Variants in CREB5 observed in about 807,000 individuals in gnomAD.
CREB5 encodes the protein cAMP responsive element binding protein 5, also known as cyclic AMP-responsive element-binding protein 5.
Under a neutral mutation model 57.1 loss-of-function variants are expected in CREB5, and 19 were observed. The observed-to-expected ratio is 0.33, with a 90% CI of 0.23 to 0.49. The LOEUF is 0.49. Among genes scored for constraint, CREB5 ranks in the 20% least tolerant of loss-of-function variants. The probability of loss-of-function intolerance (pLI) is 0.99; values close to 1 mark genes in which losing one functional copy is unlikely to be tolerated. For synonymous variants in CREB5, 238 were observed against 238.3 expected, an observed-to-expected ratio of 1.00 and a Z score of 0.01; for missense variants, 579 against 671.6, an observed-to-expected ratio of 0.86 and a Z score of 1.52.
chr7:28,499,187 A>AG (rs2128601842), intron 3 of CREB5, among the ~76,000 whole-genome samples: 1 of 151,720 alleles, frequency 6.6e-6, no homozygotes, highest in Admixed American at 6.6e-5. Context: ...AAAAAAAAAA[A>AG]AAAAAAAGAC....
chr7:28,389,274 G>C (rs1787167038), intron 1 of CREB5, among the ~76,000 whole-genome samples: 1 of 152,126 alleles, frequency 6.6e-6, no homozygotes, highest in South Asian at 2.1e-4. Context: ...GCAAATCTGA[G>C]ACTAGAGAAA....
intron 5 of CREB5, among the ~76,000 whole-genome samples, chr7:28,626,290 G>GGAAGATT (rs1394576166): frequency 1.3e-5 from 2 of 152,144 alleles, no homozygotes; most frequent in African/African-American, 4.8e-5. Context: ...ATTGAAGTGT[G>GGAAGATT]GAAGAGTTCA....
At chr7:28,817,310 A>G (rs2128809082) in intron 9 of CREB5, among the ~76,000 whole-genome samples, 1 of 152,332 alleles carries the variant, frequency 6.6e-6, no homozygotes, top group South Asian at 2.1e-4. Flanking sequence ...CCTCCTGCTC[A>G]GTGGGCATCA....
intron 4 of CREB5, among the ~76,000 whole-genome samples, chr7:28,534,381 G>A (rs1316009570): frequency 1.3e-5 from 2 of 152,208 alleles, no homozygotes; most frequent in East Asian, 1.9e-4. Flanking sequence ...GCCCTCTCCA[G>A]CTCAGCCCCT....
At chr7:28,331,747 G>A (rs1287918695) in intron 1 of CREB5, among the ~76,000 whole-genome samples, 1 of 151,726 alleles carries the variant, frequency 6.6e-6, no homozygotes, top group Non-Finnish European at 1.5e-5. Context: ...TACCCTGGGG[G>A]CTGAGGCAGG....
At chr7:28,752,367 A>C (rs113253826) in intron 7 of CREB5, among the ~76,000 whole-genome samples, 3,040 of 152,236 alleles carry the variant, frequency 0.02, 102 homozygotes, top group Admixed American at 0.085. Flanking sequence ...GGGTTTCACC[A>C]TGTTGGCCAG....
rs1804057239 is a variant in CREB5 at position 28,737,538 on chromosome 7, C to CAT, written c.702+13206_702+13207insAT. On this transcript the variant is annotated intron_variant, in intron 7 of 10. Coordinates refer to ENST00000357727, the MANE Select transcript of CREB5 (RefSeq NM_182898.4). ...GTGTGTGTATATATGTATATATATACGTATATATATATATATATATATATA... is the reference window on the plus strand; with the variant it reads ...GTGTGTGTATATATGTATATATATACATGTATATATATATATATATATATATA... Among the ~76,000 whole-genome samples the CAT allele has an allele frequency of 1.6e-3, 78 of 47,904 alleles. 1 individual carries two copies. Among genetic ancestry groups the CAT allele is most frequent in the African/African-American group, 2.9e-3 (29 of 9,972 alleles). The allele number at this position is 47,904 out of a possible 152,430, so 31.4% of individuals were successfully genotyped here.
At chr7:28,757,132 G>T (rs148260736) in intron 7 of CREB5, among the ~76,000 whole-genome samples, 1 of 152,224 alleles carries the variant, frequency 6.6e-6, no homozygotes, top group African/African-American at 2.4e-5. Context: ...TGTTCTAAAT[G>T]CTTTGTAAAT....
intron 1 of CREB5, among the ~76,000 whole-genome samples, chr7:28,351,514 T>A (rs749798738): frequency 6.6e-6 from 1 of 152,224 alleles, no homozygotes; most frequent in South Asian, 2.1e-4. Context: ...TTCCTATTCC[T>A]TTCTTCCCAT....
chr7:28,690,796 T>G (rs922027193), intron 5 of CREB5, among the ~76,000 whole-genome samples: 2 of 152,214 alleles, frequency 1.3e-5, no homozygotes, highest in African/African-American at 4.8e-5. Flanking sequence ...TAACTGGGCT[T>G]CTTGTCCCAG....
chr7:28,632,524 A>G (rs762396056), intron 5 of CREB5, among the ~76,000 whole-genome samples: 1 of 152,114 alleles, frequency 6.6e-6, no homozygotes, highest in Non-Finnish European at 1.5e-5. Flanking sequence ...TTTCTTTTCA[A>G]ATGTTTTGTT....
intron 5 of CREB5, among the ~76,000 whole-genome samples, chr7:28,635,264 G>T (rs1483152615): frequency 2.6e-5 from 4 of 152,136 alleles, no homozygotes; most frequent in Admixed American, 1.3e-4. Context: ...TATCCTGCAG[G>T]TGTAATACAC....
At chr7:28,448,965 A>C (rs370081304) in intron 1 of CREB5, among the ~76,000 whole-genome samples, 38 of 152,212 alleles carry the variant, frequency 2.5e-4, no homozygotes, top group African/African-American at 8.7e-4. Context: ...TCACACACCT[A>C]GACTTGATGA....
At chr7:28,454,620 C>G (rs1050829149) in intron 1 of CREB5, among the ~76,000 whole-genome samples, 3 of 152,200 alleles carry the variant, frequency 2.0e-5, no homozygotes, top group Non-Finnish European at 4.4e-5. Context: ...TCTGCCCTCG[C>G]TCCACCCTCA....
At chr7:28,455,404 T>C (rs1025882951) in intron 1 of CREB5, among the ~76,000 whole-genome samples, 5 of 152,192 alleles carry the variant, frequency 3.3e-5, no homozygotes, top group African/African-American at 1.2e-4. Flanking sequence ...AACCAAGCCT[T>C]TAAGTAGAAC....
chr7:28,582,079 T>C (rs1350188364), intron 5 of CREB5, among the ~76,000 whole-genome samples: 1 of 152,208 alleles, frequency 6.6e-6, no homozygotes, highest in African/African-American at 2.4e-5. Context: ...TGGATATTTA[T>C]ATAGAAAAAC....
intron 2 of CREB5, among the ~76,000 whole-genome samples, chr7:28,490,430 G>T (rs565887215): frequency 2.0e-5 from 3 of 152,324 alleles, no homozygotes; most frequent in Non-Finnish European, 4.4e-5. Context: ...TTCAGGGTGA[G>T]TTAGGATTCC....
At position 28,820,957 on chromosome 7, in the gene CREB5, G is replaced by A. The variant is rs1313405215; in HGVS notation, c.*1678G>A. 1 of 152,574 alleles carries A rather than the reference G, an allele frequency of 6.6e-6. No homozygotes were observed. Among genetic ancestry groups the A allele is most frequent in the Non-Finnish European group, 1.5e-5 (1 of 68,042 alleles). 9.5% of individuals were successfully genotyped at this position (152,574 alleles called of 1,614,324 possible). A position where few individuals can be genotyped will look rare whatever the true frequency, so the allele number is the denominator to read the frequency against. ...CAACAACTTTTGTGAACTTGCCCGT[G>A]ATACAAAGCAGATAGTCCCTGAACC... On this transcript the variant is annotated 3_prime_UTR_variant, in exon 11 of 11. Transcript: ENST00000357727.
At chr7:28,585,608 C>A (rs1312969541) in intron 5 of CREB5, among the ~76,000 whole-genome samples, 1 of 152,142 alleles carries the variant, frequency 6.6e-6, no homozygotes, top group Non-Finnish European at 1.5e-5. Context: ...CTTTTTGAAG[C>A]GTCCTCTGCC....
Sources: gnomAD v4.1 joint callset for allele counts (sites outside exome capture counted in the v4.1 genomes callset) on GRCh38, gnomAD v4.1.1 for gene constraint, MANE v1.5 for transcripts, NCBI Gene and HGNC (gene_info 2026-07-23, HGNC 2026-07-21) for gene names.